Variants in ANKRD54 observed in about 807,000 individuals in gnomAD.
ANKRD54 encodes ankyrin repeat domain-containing protein 54.
ANKRD54 carries 26 observed loss-of-function variants against 36.2 expected under a neutral mutation model. That is an observed-to-expected ratio of 0.72 (90% CI 0.53 to 1.00). The LOEUF is 1.00. Among genes scored for constraint, ANKRD54 ranks in the 50% least tolerant of loss-of-function variants. The probability of loss-of-function intolerance (pLI) is 0.00; values close to 1 mark genes in which losing one functional copy is unlikely to be tolerated. For synonymous variants in ANKRD54, 209 were observed against 188.4 expected (o/e 1.11, Z -0.89); for missense variants, 384 against 424.3 (o/e 0.91, Z 0.83).
upstream of ANKRD54, among the ~76,000 whole-genome samples, chr22:37,847,440 G>A (rs1924902091): frequency 6.6e-6 from 1 of 152,180 alleles, no homozygotes; most frequent in Non-Finnish European, 1.5e-5. Context: ...GGGATTACAG[G>A]TGTGAACCAC....
chr22:37,847,170 C>CTT (rs796315633), upstream of ANKRD54, among the ~76,000 whole-genome samples: 5 of 133,258 alleles, frequency 3.8e-5, no homozygotes, highest in East Asian at 2.3e-4. Context: ...TTTCTTTTTT[C>CTT]TTTTTTTTTT....
At chr22:37,836,900 G>A (rs915017095) in intron 3 of ANKRD54, among the ~76,000 whole-genome samples, 2 of 151,572 alleles carry the variant, frequency 1.3e-5, no homozygotes, top group Admixed American at 6.6e-5. Context: ...GTGATGATGC[G>A]TGCCTATAAT....
At chr22:37,833,617 C>T (rs1352585815) in intron 4 of ANKRD54, 67 bp downstream of exon 4, 15 of 1,566,342 alleles carry the variant, frequency 9.6e-6, no homozygotes, top group African/African-American at 1.4e-5. Flanking sequence ...CCGGGCCCCA[C>T]CCTCTTCATC....
chr22:37,835,836 T>G (rs186705619), intron 3 of ANKRD54, among the ~76,000 whole-genome samples: 60 of 152,150 alleles, frequency 3.9e-4, no homozygotes, highest in African/African-American at 1.3e-3. Context: ...AACTAGTTTT[T>G]TTTGTTTGTT....
chr22:37,844,302 T>C lies in ANKRD54; in HGVS notation c.-64A>G. 2 of 1,513,182 alleles carry C rather than the reference T, an allele frequency of 1.3e-6. No individual in the cohort carries two copies. The highest frequency in any genetic ancestry group is 8.9e-7 in the Non-Finnish European group (1 of 1,129,656). The allele number at this position is 1,513,182 out of a possible 1,614,324, so 93.7% of individuals were successfully genotyped here. A position where few individuals can be genotyped will look rare whatever the true frequency, so the allele number is the denominator to read the frequency against. Reference sequence around the variant, plus strand: ...TTCCCGACCGACCAACGGACCTACTTCCCTCCGCCCTGAGTCGTGCTGTCA... The same window carrying C: ...TTCCCGACCGACCAACGGACCTACTCCCCTCCGCCCTGAGTCGTGCTGTCA... On this transcript the variant is annotated 5_prime_UTR_variant, in exon 1 of 8. Coordinates refer to ENST00000215941, the MANE Select transcript of ANKRD54 (RefSeq NM_138797.4).
upstream of ANKRD54, chr22:37,847,848 C>G (rs756245508): frequency 1.6e-5 from 6 of 382,838 alleles, no homozygotes; most frequent in African/African-American, 1.3e-4. Context: ...AAAACAAGAA[C>G]GCAGCATAGG....
intron 3 of ANKRD54, chr22:37,834,816 T>G (rs1923331513): frequency 6.6e-6 from 1 of 151,452 alleles, no homozygotes; most frequent in Admixed American, 6.6e-5. Context: ...ATCCCAGCAC[T>G]TTGGGAGGCC....
chr22:37,832,506 G>C (rs1478204478), intron 7 of ANKRD54, 131 bp downstream of exon 7: 1 of 753,382 alleles, frequency 1.3e-6, no homozygotes, highest in Non-Finnish European at 2.2e-6. Flanking sequence ...GGGATTACAG[G>C]TGTGAGCCCC....
intron 4 of ANKRD54, 53 bp from the exon 5 acceptor site, chr22:37,833,259 T>G: frequency 1.2e-6 from 2 of 1,600,074 alleles, no homozygotes; most frequent in South Asian, 1.1e-5. Context: ...AGCCTGGCTC[T>G]GCGTGGCCAC....
chr22:37,841,289 G>A (rs886080166), intron 1 of ANKRD54, among the ~76,000 whole-genome samples: 1 of 152,076 alleles, frequency 6.6e-6, no homozygotes, highest in Non-Finnish European at 1.5e-5. Context: ...ACGTTGGAAA[G>A]CTGAGGTGGG....
rs564765737 is a variant in ANKRD54, at chr22:37,837,215, T to C, written c.475+1285A>G. Reference sequence around the variant, plus strand: ...ACTGCTGGTGGGGAGTGGGAGTGTGTGTCAGTACATCCCTTTTGGGAAAAG... The same window carrying C: ...ACTGCTGGTGGGGAGTGGGAGTGTGCGTCAGTACATCCCTTTTGGGAAAAG... On this transcript the variant is annotated intron_variant, in intron 3 of 7. Transcript: ENST00000215941. Among the ~76,000 whole-genome samples the C allele has an allele frequency of 3.3e-5, 5 of 152,108 alleles. No individual in the cohort carries two copies. The East Asian group carries it at 9.7e-4, about 29-fold the overall frequency.
Position 37,844,081 on chromosome 22 carries a change from A to G in ANKRD54, c.158T>C (p.Leu53Pro). ...GSALGGGGAG[L>P]SGRASGGAQS... Reference sequence around the variant, plus strand: ...GGCCCCGCCGGACGCCCGGCCCGAGAGGCCCGCGCCGCCGCCGCCCAGCGC... The same window carrying G: ...GGCCCCGCCGGACGCCCGGCCCGAGGGGCCCGCGCCGCCGCCGCCCAGCGC... The change falls in exon 1 of 8, where the codon CTC (leucine) becomes CCC (proline). Residue 53 changes from leucine to proline, a missense_variant. By Grantham distance (98) the Leu-to-Pro change is moderately conservative (BLOSUM62 -3). Around this residue, in one of 3 missense-constraint regions of ANKRD54, gnomAD observed 195 missense variants for 177.7 expected, o/e 1.10. Transcript: ENST00000215941. 1 of 1,442,762 alleles carries G rather than the reference A, an allele frequency of 6.9e-7. No individual in the cohort carries two copies. 89.4% of individuals were successfully genotyped at this position (1,442,762 alleles called of 1,614,324 possible).
upstream of ANKRD54, chr22:37,844,554 T>C: frequency 3.0e-6 from 1 of 330,942 alleles, no homozygotes. Context: ...TGGCTTTCGC[T>C]GTACGTCGCT....
In ANKRD54 at chr22:37,844,057, G is replaced by GCCCCGCCGGACGCCCGGC. The variant is rs1924632951; in HGVS notation, c.164_181dup (p.Gly55_Gly60dup). 6.3e-6 allele frequency: 9 copies of GCCCCGCCGGACGCCCGGC among 1,435,222 alleles called. No individual in the cohort carries two copies. The South Asian group carries it at 1.1e-4, about 18-fold the overall frequency. 88.9% of individuals were successfully genotyped at this position (1,435,222 alleles called of 1,614,324 possible). A position where few individuals can be genotyped will look rare whatever the true frequency, so the allele number is the denominator to read the frequency against. On this transcript the variant is annotated inframe_insertion, in exon 1 of 8. Transcript: ENST00000215941. ...GTGCAAGTAGCGCAGCGGCGACTGGGCCCCGCCGGACGCCCGGCCCGAGAG... is the reference window on the plus strand; with the variant it reads ...GTGCAAGTAGCGCAGCGGCGACTGGGCCCCGCCGGACGCCCGGCCCCCGCCGGACGCCCGGCCCGAGAG...
At chr22:37,838,290 A>G (rs969221651) in intron 3 of ANKRD54, among the ~76,000 whole-genome samples, 2 of 152,132 alleles carry the variant, frequency 1.3e-5, no homozygotes, top group Admixed American at 6.5e-5. Flanking sequence ...CAATCATATT[A>G]TCTCCCCCAG....
At chr22:37,838,709 G>A (rs374364722) in intron 2 of ANKRD54, 111 bp from the exon 3 acceptor site, 11 of 1,021,580 alleles carry the variant, frequency 1.1e-5, no homozygotes, top group African/African-American at 6.4e-5. Context: ...ACAAGACATC[G>A]ACAATGCATA....
chr22:37,840,245 A>T lies in ANKRD54; in HGVS notation c.329-11T>A. On this transcript the variant is annotated splice_polypyrimidine_tract_variant and intron_variant, in intron 1 of 7. Coordinates refer to ENST00000215941, the MANE Select transcript of ANKRD54 (RefSeq NM_138797.4). ...TCAGTCTCTTCAGAGCTGTAAAGAG[A>T]GTAACGGATGCCAGTTTAAAAAAAC... 1 of 1,613,752 alleles carries T rather than the reference A, an allele frequency of 6.2e-7. No individual in the cohort carries two copies.
At chr22:37,847,692 T>C (rs773516104), upstream of ANKRD54, 5 of 485,976 alleles carry the variant, frequency 1.0e-5, no homozygotes, top group South Asian at 8.2e-5. Flanking sequence ...GAGGACATTG[T>C]TGGGGACCCT....
chr22:37,839,678 C>T (rs767653254), intron 2 of ANKRD54, among the ~76,000 whole-genome samples: 2 of 152,204 alleles, frequency 1.3e-5, no homozygotes, highest in East Asian at 1.9e-4. Context: ...TGAGCCACCG[C>T]GCCCAGCTAA....
Sources: gnomAD v4.1 joint callset for allele counts (sites outside exome capture counted in the v4.1 genomes callset) on GRCh38, gnomAD v4.1.1 for gene constraint, gnomAD v4.1.1 regional missense constraint, MANE v1.5 for transcripts, NCBI Gene and HGNC (gene_info 2026-07-23, HGNC 2026-07-21) for gene names.